ZNF558: variants seen among roughly 807,000 people sequenced by gnomAD.
The protein encoded by ZNF558 is zinc finger protein 558.
In ZNF558, 23 loss-of-function variants were observed where a neutral mutation model predicts 37.6. The ratio of observed to expected loss-of-function variants is 0.61; its 90% CI spans 0.44 to 0.87. ZNF558 has a LOEUF of 0.87. Among genes scored for constraint, ZNF558 ranks in the 40% least tolerant of loss-of-function variants. The probability of loss-of-function intolerance (pLI) is 0.00; values close to 1 mark genes in which losing one functional copy is unlikely to be tolerated. For missense variants in ZNF558, 429 were observed against 483.7 expected, an observed-to-expected ratio of 0.89 and a Z score of 1.06; for synonymous variants, 189 against 174.4, an observed-to-expected ratio of 1.08 and a Z score of -0.66.
chr19:8,820,488 TTTTG>T (rs1255824393), intron 7 of ZNF558, among the ~76,000 whole-genome samples: 1 of 152,066 alleles, frequency 6.6e-6, no homozygotes. Flanking sequence ...AGTTTTTTTG[TTTTG>T]TTTTTTTTGA....
rs1384838187 is a variant in ZNF558, at chr19:8,806,304, G to C, written c.*4977C>G. On this transcript the variant is annotated 3_prime_UTR_variant, in exon 10 of 10. Transcript: ENST00000601372. The stretch of plus-strand genomic sequence containing the variant: ...TGTTTCCTGTTGATCTTAATTCCTG[G>C]AATTATGTATGTCTCTATGGAATCA... 6.6e-6 allele frequency: 1 copy of C among 151,956 alleles called. No homozygotes were observed. The highest frequency in any genetic ancestry group is 1.5e-5 in the Non-Finnish European group (1 of 68,012). 9.4% of individuals were successfully genotyped at this position (151,956 alleles called of 1,614,324 possible). A position where few individuals can be genotyped will look rare whatever the true frequency, so the allele number is the denominator to read the frequency against.
chr19:8,832,034 G>T (rs936544714), intron 1 of ZNF558, 175 bp downstream of exon 1: 3 of 152,400 alleles, frequency 2.0e-5, no homozygotes, highest in African/African-American at 7.2e-5. Context: ...AGGCAACAGC[G>T]GCGCGGGGCC....
chr19:8,812,427 C>A, intron 9 of ZNF558, 134 bp downstream of exon 9: 1 of 540,702 alleles, frequency 1.8e-6, no homozygotes, highest in South Asian at 4.2e-5. Flanking sequence ...TTCACAGTGT[C>A]TCTCCAGGAA....
At chr19:8,817,144 G>C (rs892938444) in intron 7 of ZNF558, among the ~76,000 whole-genome samples, 1 of 152,174 alleles carries the variant, frequency 6.6e-6, no homozygotes, top group East Asian at 1.9e-4. Context: ...AATAGTTATA[G>C]AGCAAATAGT....
At chr19:8,832,880 C>G (rs528565863), upstream of ZNF558, among the ~76,000 whole-genome samples, 6 of 150,290 alleles carry the variant, frequency 4.0e-5, no homozygotes, top group East Asian at 1.2e-3. Flanking sequence ...AGCTCCGGGC[C>G]GGGCGGAGGG....
chr19:8,814,524 T>G (rs2043881171), intron 7 of ZNF558, among the ~76,000 whole-genome samples: 1 of 152,068 alleles, frequency 6.6e-6, no homozygotes, highest in Admixed American at 6.5e-5. Context: ...ACTTTGAAAA[T>G]CTTCCTCATA....
Position 8,821,274 on chromosome 19 carries a change from C to T in ZNF558, c.153G>A (p.Glu51=), listed in dbSNP as rs781304256. 7.4e-6 allele frequency: 12 copies of T among 1,614,228 alleles called. No individual in the cohort carries two copies. The highest frequency in any genetic ancestry group is 9.3e-6 in the Non-Finnish European group (11 of 1,180,040). Residue 51 remains glutamate (E), a synonymous_variant, in exon 7 of 10, where the codon GAG becomes GAA. Coordinates refer to ENST00000601372, the MANE Select transcript of ZNF558 (RefSeq NM_144693.3). ...GCAACGCCCACTCCTCCTGGGTGAA[C>T]TCCACGGCCACATCCTCGAAGGTTA... ...GLVTFEDVAV[E]FTQEEWALLD...
intron 7 of ZNF558, among the ~76,000 whole-genome samples, chr19:8,818,546 A>G (rs539217937): frequency 1.3e-5 from 2 of 152,246 alleles, no homozygotes; most frequent in Admixed American, 1.3e-4. Flanking sequence ...ATCACTATCA[A>G]AATTCTGAGT....
In ZNF558 at chr19:8,819,267, G is replaced by A. The variant is rs1051204059; in HGVS notation, c.247+1913C>T. On this transcript the variant is annotated intron_variant, in intron 7 of 9. Coordinates refer to ENST00000601372, the MANE Select transcript of ZNF558 (RefSeq NM_144693.3). ...TGGATCTCGGCTCACTACAACCTCT[G>A]CCTCCCAGGTTCAAGTGATTCTCTT... Among the ~76,000 whole-genome samples the A allele has an allele frequency of 9.9e-5, 15 of 152,248 alleles. 1 individual carries two copies. Among genetic ancestry groups the A allele is most frequent in the Admixed American group, 4.6e-4 (7 of 15,302 alleles).
At chr19:8,825,152 C>T (rs1169230412) in intron 2 of ZNF558, 44 bp from the exon 3 acceptor site, 1 of 152,248 alleles carries the variant, frequency 6.6e-6, no homozygotes, top group Non-Finnish European at 1.5e-5. Flanking sequence ...CTGCAAAAAA[C>T]ATTTGTTCTT....
chr19:8,811,147 T>C lies in ZNF558; in HGVS notation c.*134A>G, dbSNP rs1158916582. 1 of 894,800 alleles carries C rather than the reference T, an allele frequency of 1.1e-6. No individual in the cohort carries two copies. Among genetic ancestry groups the C allele is most frequent in the South Asian group, 1.9e-5 (1 of 51,696 alleles). 55.4% of individuals were successfully genotyped at this position (894,800 alleles called of 1,614,324 possible). On this transcript the variant is annotated 3_prime_UTR_variant, in exon 10 of 10. Transcript: ENST00000601372. ...TTGTTAGAGAATAAACATTTCGTGT[T>C]TGAAGCCACAAAATTTGCGGGGATC...
In ZNF558 at chr19:8,821,189, C is replaced by A. The variant is rs745735244; in HGVS notation, c.238G>T (p.Ala80Ser). 6.2e-7 allele frequency: 1 copy of A among 1,613,962 alleles called. No homozygotes were observed. Among genetic ancestry groups the A allele is most frequent in the South Asian group, 1.1e-5 (1 of 91,082 alleles). Reference protein sequence around the residue: ...DVMLENCRNLASLGCRVNKPS... With the variant: ...DVMLENCRNLSSLGCRVNKPS... ...ATGACATTAGGCTTACCTAGTGAGG[C>A]CAGGTTCCTGCAGTTCTCCAGCATC... Residue 80 changes from alanine (A) to serine (S), a missense_variant, in exon 7 of 10, where the codon GCC becomes TCC. By Grantham distance (99) the Ala-to-Ser change is moderately conservative. Transcript: ENST00000601372.
chr19:8,822,768 T>A lies in ZNF558; in HGVS notation c.-65-44A>T. 1 of 1,567,272 alleles carries A rather than the reference T, an allele frequency of 6.4e-7. No homozygotes were observed. Among genetic ancestry groups the A allele is most frequent in the South Asian group, 1.1e-5 (1 of 89,454 alleles). ...CTCCAAGTCTCCGTGGCCTCCTCCC[T>A]CTCGGGCTGCTGGGGATGGGCCCTC... On this transcript the variant is annotated intron_variant, in intron 4 of 9. Coordinates refer to ENST00000601372, the MANE Select transcript of ZNF558 (RefSeq NM_144693.3). The surrounding 1 kb of genome is among the most constrained non-coding windows in gnomAD (Gnocchi z 4.4).
intron 7 of ZNF558, among the ~76,000 whole-genome samples, chr19:8,815,323 A>C (rs1013163612): frequency 7.2e-5 from 11 of 152,216 alleles, no homozygotes; most frequent in Non-Finnish European, 5.9e-5. Context: ...AAATACAAAA[A>C]ATGGAAAACA....
intron 7 of ZNF558, among the ~76,000 whole-genome samples, chr19:8,814,735 T>A (rs963756255): frequency 6.6e-6 from 1 of 152,194 alleles, no homozygotes; most frequent in Non-Finnish European, 1.5e-5. Context: ...GTAAAGAGAC[T>A]AGAAGTTTTT....
chr19:8,806,196 AAGTTT>A lies in ZNF558; in HGVS notation c.*5080_*5084del, dbSNP rs1318739260. ...GTTTTTAAAAGCATTTTATTTTGGA[AAGTTT>A]AGATATACATAAAAGTTGTAAAACT... is the stretch of plus-strand genomic sequence containing the variant. On this transcript the variant is annotated 3_prime_UTR_variant, in exon 10 of 10. Transcript: ENST00000601372. The A allele has an allele frequency of 6.6e-6, 1 of 152,098 alleles. No homozygotes were observed. The highest frequency in any genetic ancestry group is 6.6e-5 in the Admixed American group (1 of 15,262). 9.4% of individuals were successfully genotyped at this position (152,098 alleles called of 1,614,324 possible).
At chr19:8,833,743 CT>C (rs144069509), upstream of ZNF558, among the ~76,000 whole-genome samples, 8,381 of 152,240 alleles carry the variant, frequency 0.055, 770 homozygotes, top group African/African-American at 0.19. Context: ...AATCCCAACA[CT>C]TTGGGAGGCC....
chr19:8,824,284 C>G lies in ZNF558; in HGVS notation c.-268G>C, dbSNP rs1395900547. The stretch of plus-strand genomic sequence containing the variant: ...TGTGGAGAGGAACTGAGGCCTCCCA[C>G]CGACGGCCAGCTCTGACTCGCAGGC... On this transcript the variant is annotated 5_prime_UTR_variant, in exon 4 of 10. Coordinates refer to ENST00000601372, the MANE Select transcript of ZNF558 (RefSeq NM_144693.3). 6.6e-6 allele frequency: 1 copy of G among 152,248 alleles called. No homozygotes were observed. The highest frequency in any genetic ancestry group is 2.4e-5 in the African/African-American group (1 of 41,430). 9.4% of individuals were successfully genotyped at this position (152,248 alleles called of 1,614,324 possible). A position where few individuals can be genotyped will look rare whatever the true frequency, so the allele number is the denominator to read the frequency against.
At position 8,820,718 on chromosome 19, in the gene ZNF558, C is replaced by T. The variant is rs563606217; in HGVS notation, c.247+462G>A. On this transcript the variant is annotated intron_variant, in intron 7 of 9. Transcript: ENST00000601372. ...GTCTCGAACTCCTGCCCTCGTGATC[C>T]GCCCGCCTCGGCCTCCCAAAGTGCT... Among the ~76,000 whole-genome samples the T allele has an allele frequency of 8.5e-5, 13 of 152,220 alleles. No individual in the cohort carries two copies. The South Asian group carries it at 1.4e-3, about 17-fold the overall frequency.
Sources: gnomAD v4.1 joint callset for allele counts (sites outside exome capture counted in the v4.1 genomes callset) on GRCh38, gnomAD v4.1.1 for gene constraint, Gnocchi (gnomAD v3.1) non-coding constraint, MANE v1.5 for transcripts, NCBI Gene and HGNC (gene_info 2026-07-23, HGNC 2026-07-21) for gene names.